The following JMY variants were observed in gnomAD, a reference collection of about 807,000 sequenced individuals.
JMY encodes junction-mediating and -regulatory protein.
A neutral mutation model predicts 103.3 loss-of-function variants in JMY; 46 were observed. The observed-to-expected ratio is 0.45, with a 90% CI of 0.35 to 0.57. JMY has a LOEUF of 0.57. Ranked by LOEUF, JMY falls within the 20% of genes least tolerant of loss-of-function variation. The pLI is 0.00. For synonymous variants in JMY, 526 were observed against 489.3 expected, an observed-to-expected ratio of 1.07 and a Z score of -0.99; for missense variants, 1,238 against 1,255.2, an observed-to-expected ratio of 0.99 and a Z score of 0.21.
At chr5:79,270,672 A>G (rs1745754304) in intron 1 of JMY, among the ~76,000 whole-genome samples, 1 of 117,528 alleles carries the variant, frequency 8.5e-6, no homozygotes, top group South Asian at 2.5e-4. Flanking sequence ...ACATAAATAT[A>G]AAATATATTT....
chr5:79,237,332 A>T lies in JMY; in HGVS notation c.682A>T (p.Ser228Cys). 6.3e-7 allele frequency: 1 copy of T among 1,594,822 alleles called. No homozygotes were observed. The highest frequency in any genetic ancestry group is 8.5e-7 in the Non-Finnish European group (1 of 1,171,442). ...GCTGGAGTCTCCGGCCGAAGAGTGC[A>T]GCTGGGCCGGACTGTTTTCTTTCCA... ...TELESPAEEC[S>C]WAGLFSFQDL... Residue 228 changes from serine to cysteine, a missense_variant, in exon 1 of 11, where the codon AGC becomes TGC. Ser to Cys is a moderately radical substitution (Grantham distance 112, BLOSUM62 -1). Coordinates refer to ENST00000396137, the MANE Select transcript of JMY (RefSeq NM_152405.5).
At chr5:79,302,701 G>A (rs78021755) in intron 6 of JMY, among the ~76,000 whole-genome samples, 1 of 152,162 alleles carries the variant, frequency 6.6e-6, no homozygotes, top group African/African-American at 2.4e-5. Flanking sequence ...CCTGAGCTTT[G>A]TCTGTAGTAT....
intron 1 of JMY, among the ~76,000 whole-genome samples, chr5:79,247,329 G>A (rs960532435): frequency 6.6e-6 from 1 of 152,022 alleles, no homozygotes; most frequent in African/African-American, 2.4e-5. Context: ...TTGAGATGGA[G>A]TCTCACTCTG....
At chr5:79,286,200 G>C (rs756569347) in intron 2 of JMY, among the ~76,000 whole-genome samples, 24 of 152,104 alleles carry the variant, frequency 1.6e-4, no homozygotes, top group Non-Finnish European at 2.1e-4. Flanking sequence ...TCAGTTAAAA[G>C]ACAGCATTAA....
At chr5:79,304,333 A>G (rs759915821) in intron 6 of JMY, among the ~76,000 whole-genome samples, 2 of 152,182 alleles carry the variant, frequency 1.3e-5, no homozygotes, top group African/African-American at 2.4e-5. Context: ...TCCCTATGTA[A>G]CATAATCCTA....
chr5:79,294,215 C>T (rs1746503793), intron 4 of JMY, among the ~76,000 whole-genome samples: 1 of 151,834 alleles, frequency 6.6e-6, no homozygotes, highest in South Asian at 2.1e-4. Context: ...ACCAGCCTGA[C>T]CAATATGGCA....
intron 1 of JMY, among the ~76,000 whole-genome samples, chr5:79,267,113 T>C (rs922157407): frequency 1.3e-5 from 2 of 152,336 alleles, no homozygotes; most frequent in East Asian, 1.9e-4. Flanking sequence ...TTCCCTATTA[T>C]TAACATTTTG....
chr5:79,259,477 G>T (rs1580336400), intron 1 of JMY, among the ~76,000 whole-genome samples: 1 of 152,228 alleles, frequency 6.6e-6, no homozygotes, highest in East Asian at 1.9e-4. Flanking sequence ...CTTGAAGGTG[G>T]TGCTTCACCA....
Position 79,277,895 on chromosome 5 carries a change from T to C in JMY, c.1033-15T>C, listed in dbSNP as rs1745987923. 1.9e-6 allele frequency: 3 copies of C among 1,593,184 alleles called. No individual in the cohort carries two copies. Among genetic ancestry groups the C allele is most frequent in the Non-Finnish European group, 8.6e-7 (1 of 1,166,212 alleles). On this transcript the variant is annotated splice_polypyrimidine_tract_variant and intron_variant, in intron 1 of 10. Coordinates refer to ENST00000396137, the MANE Select transcript of JMY (RefSeq NM_152405.5). ...GAATTGATTTTCTTAGTTGTGAAAC[T>C]GTCTTGTTCCACAGCTCTTGGATAA...
chr5:79,261,353 A>G (rs1191439646), intron 1 of JMY, among the ~76,000 whole-genome samples: 1 of 152,100 alleles, frequency 6.6e-6, no homozygotes, highest in African/African-American at 2.4e-5. Flanking sequence ...TGTTTGGGTT[A>G]TCTTATGTAA....
intron 1 of JMY, among the ~76,000 whole-genome samples, chr5:79,259,829 T>C (rs1745364179): frequency 6.6e-6 from 1 of 152,220 alleles, no homozygotes; most frequent in African/African-American, 2.4e-5. Flanking sequence ...AGGTGGGGCC[T>C]TCCCAGGCCC....
intron 1 of JMY, among the ~76,000 whole-genome samples, chr5:79,262,692 G>T (rs372900049): frequency 5.3e-5 from 8 of 152,290 alleles, no homozygotes; most frequent in African/African-American, 1.9e-4. Context: ...AGGAAAGAAG[G>T]CAGATTAATA....
At chr5:79,306,926 C>G (rs1002573844) in intron 7 of JMY, among the ~76,000 whole-genome samples, 8 of 152,202 alleles carry the variant, frequency 5.3e-5, no homozygotes, top group African/African-American at 7.2e-5. Flanking sequence ...TCATCCCTCT[C>G]TCTCCCCAAG....
chr5:79,245,490 G>A (rs1257188764), intron 1 of JMY, among the ~76,000 whole-genome samples: 2 of 151,998 alleles, frequency 1.3e-5, no homozygotes, highest in Non-Finnish European at 2.9e-5. Flanking sequence ...AATATGAGTT[G>A]TTTGACCTTA....
At position 79,324,383 on chromosome 5, in the gene JMY, T is replaced by TATG. The variant is rs1173951051; in HGVS notation, c.*2784_*2786dup. 6.6e-6 allele frequency: 1 copy of TATG among 152,236 alleles called. No homozygotes were observed. Among genetic ancestry groups the TATG allele is most frequent in the African/African-American group, 2.4e-5 (1 of 41,474 alleles). The allele number at this position is 152,236 out of a possible 1,614,324, so 9.4% of individuals were successfully genotyped here. On this transcript the variant is annotated 3_prime_UTR_variant, in exon 11 of 11. Coordinates refer to ENST00000396137, the MANE Select transcript of JMY (RefSeq NM_152405.5). The stretch of plus-strand genomic sequence containing the variant: ...AATATTGGACACATTTCTGTTAATA[T>TATG]ATGATTTCTGTATCCACAAACCGCT...
chr5:79,260,096 G>A (rs1345442445), intron 1 of JMY, among the ~76,000 whole-genome samples: 1 of 152,226 alleles, frequency 6.6e-6, no homozygotes, highest in East Asian at 1.9e-4. Flanking sequence ...AGGTACAGGT[G>A]GCATGGCAGC....
At chr5:79,301,644 C>G (rs2112108339) in intron 6 of JMY, among the ~76,000 whole-genome samples, 1 of 152,308 alleles carries the variant, frequency 6.6e-6, no homozygotes, top group East Asian at 1.9e-4. Context: ...CGTTGTCCAT[C>G]AACAGAACAG....
At chr5:79,303,902 C>G (rs1004323152) in intron 6 of JMY, among the ~76,000 whole-genome samples, 3 of 151,934 alleles carry the variant, frequency 2.0e-5, no homozygotes, top group Non-Finnish European at 4.4e-5. Flanking sequence ...AAAGCAGTGA[C>G]TGACGGAATA....
At chr5:79,288,722 T>TG (rs928235377) in intron 2 of JMY, among the ~76,000 whole-genome samples, 53 of 151,942 alleles carry the variant, frequency 3.5e-4, no homozygotes, top group Middle Eastern at 3.4e-3. Context: ...TTTTGTTTTT[T>TG]TTTGTTTGTT....
Sources: allele counts gnomAD v4.1 joint callset (sites outside exome capture counted in the v4.1 genomes callset), GRCh38; gene constraint gnomAD v4.1.1; transcripts MANE v1.5; gene names NCBI Gene and HGNC (gene_info 2026-07-23, HGNC 2026-07-21).